HEPACAM: variants seen among roughly 807,000 people sequenced by gnomAD.
HEPACAM encodes hepatic and glial cell adhesion molecule.
HEPACAM carries 18 observed loss-of-function variants against 38.3 expected under a neutral mutation model. That is an observed-to-expected ratio of 0.47 (90% CI 0.33 to 0.70). The LOEUF (loss-of-function observed/expected upper bound fraction) is 0.70. Among genes scored for constraint, HEPACAM ranks in the 30% least tolerant of loss-of-function variants. HEPACAM has a pLI of 0.03. For missense variants in HEPACAM, 466 were observed against 563.0 expected, an observed-to-expected ratio of 0.83 and a Z score of 1.74; for synonymous variants, 216 against 243.1, an observed-to-expected ratio of 0.89 and a Z score of 1.04.
intron 1 of HEPACAM, among the ~76,000 whole-genome samples, chr11:124,929,166 G>T (rs1470392716): frequency 5.3e-5 from 8 of 152,082 alleles, no homozygotes; most frequent in Admixed American, 5.2e-4. Flanking sequence ...TAGCCTTTTT[G>T]CTATGTATTT....
intron 1 of HEPACAM, among the ~76,000 whole-genome samples, chr11:124,926,448 G>T (rs1392482391): frequency 6.6e-6 from 1 of 152,038 alleles, no homozygotes; most frequent in Non-Finnish European, 1.5e-5. Flanking sequence ...TGTAATTCTG[G>T]GATTTTACCA....
intron 1 of HEPACAM, among the ~76,000 whole-genome samples, chr11:124,927,614 C>T (rs917390657): frequency 6.6e-6 from 1 of 151,174 alleles, no homozygotes; most frequent in African/African-American, 2.4e-5. Flanking sequence ...AGCAATCCAC[C>T]CGTGTTGGCC....
At chr11:124,931,271 G>T (rs1183855813) in intron 1 of HEPACAM, among the ~76,000 whole-genome samples, 1 of 152,062 alleles carries the variant, frequency 6.6e-6, no homozygotes, top group Non-Finnish European at 1.5e-5. Flanking sequence ...GCAGTGGTGT[G>T]ATCATACCTC....
intron 1 of HEPACAM, among the ~76,000 whole-genome samples, chr11:124,926,604 T>A (rs990827564): frequency 6.6e-6 from 1 of 152,142 alleles, no homozygotes; most frequent in East Asian, 1.9e-4. Context: ...AGGACGCCGG[T>A]TGGGAGCAGG....
intron 1 of HEPACAM, among the ~76,000 whole-genome samples, chr11:124,932,016 C>A (rs1947286533): frequency 6.6e-6 from 1 of 152,132 alleles, no homozygotes; most frequent in Non-Finnish European, 1.5e-5. Flanking sequence ...GAAAGACATG[C>A]AAAATTAATT....
At chr11:124,922,264 C>T (rs2135397275) in intron 6 of HEPACAM, 124 bp downstream of exon 6, 2 of 1,072,812 alleles carry the variant, frequency 1.9e-6, no homozygotes, top group Non-Finnish European at 2.9e-6. Flanking sequence ...AAACCAGTCC[C>T]TGGTGCCAAA....
chr11:124,926,799 C>T (rs1033980701), intron 1 of HEPACAM, among the ~76,000 whole-genome samples: 27 of 152,090 alleles, frequency 1.8e-4, no homozygotes, highest in Non-Finnish European at 2.5e-4. Flanking sequence ...TTTCTCTCCT[C>T]ATGCTTGGAG....
Position 124,935,999 on chromosome 11 carries a change from C to G in HEPACAM, c.8G>C (p.Arg3Thr), listed in dbSNP as rs35446349. Residue 3 changes from arginine to threonine, a missense_variant, in exon 1 of 7, where the codon AGA (arginine) becomes ACA (threonine). Transcript: ENST00000298251. MK[R>T]ERGALSRASR... ...GGCTCTGGACAGGGCTCCCCTTTCT[C>G]TCTTCATTTTGGGTGGCGTTCTCCA... 2.1e-3 allele frequency: 3,464 copies of G among 1,613,958 alleles called. 62 individuals are homozygous for G. The African/African-American group carries it at 0.041, about 19-fold the overall frequency.
chr11:124,931,962 G>C (rs568017092), intron 1 of HEPACAM, among the ~76,000 whole-genome samples: 1 of 152,146 alleles, frequency 6.6e-6, no homozygotes. Flanking sequence ...CTACAAACTT[G>C]GTGTTCAGAC....
At chr11:124,923,639 G>T in intron 3 of HEPACAM, 90 bp downstream of exon 3, 1 of 1,512,004 alleles carries the variant, frequency 6.6e-7, no homozygotes, top group East Asian at 2.3e-5. Context: ...CCTCCCCCCA[G>T]TGACATTTCT....
At chr11:124,929,730 C>A (rs1947260681) in intron 1 of HEPACAM, among the ~76,000 whole-genome samples, 3 of 151,906 alleles carry the variant, frequency 2.0e-5, no homozygotes. Context: ...GTGGCCACTC[C>A]TCAAGTAGGA....
At chr11:124,923,239 A>C in intron 4 of HEPACAM, 101 bp downstream of exon 4, 1 of 845,718 alleles carries the variant, frequency 1.2e-6, no homozygotes, top group South Asian at 1.3e-5. Context: ...AAGAGATGCA[A>C]AACCCTGGGA....
rs372070386 is a variant in HEPACAM at position 124,921,223 on chromosome 11, C to G, written c.1166G>C (p.Arg389Pro). ...AGTCCGCAGTGTGCGCGAGGCGCTG[C>G]GCGAGCGGCCGGGCGAGCTCGGGGC... ...PRAPSSPGRS[R>P]SASRTLRTAG... The change falls in exon 7 of 7, where the codon CGC becomes CCC. Residue 389 changes from arginine (R) to proline (P), a missense_variant. Coordinates refer to ENST00000298251, the MANE Select transcript of HEPACAM (RefSeq NM_152722.5). The surrounding 1 kb of genome is among the most constrained non-coding windows in gnomAD (Gnocchi z 4.6). The G allele has an allele frequency of 6.8e-7, 1 of 1,474,596 alleles. No homozygotes were observed. Among genetic ancestry groups the G allele is most frequent in the Non-Finnish European group, 8.9e-7 (1 of 1,119,222 alleles). The allele number at this position is 1,474,596 out of a possible 1,614,324, so 91.3% of individuals were successfully genotyped here.
At chr11:124,922,122 A>G (rs981062938) in intron 6 of HEPACAM, among the ~76,000 whole-genome samples, 1 of 152,180 alleles carries the variant, frequency 6.6e-6, no homozygotes, top group African/African-American at 2.4e-5. Context: ...CACACACCCT[A>G]TTGTGAATTG....
intron 1 of HEPACAM, among the ~76,000 whole-genome samples, chr11:124,934,645 A>G (rs930355481): frequency 6.6e-6 from 1 of 151,886 alleles, no homozygotes; most frequent in Non-Finnish European, 1.5e-5. Flanking sequence ...GGCCCTGCTG[A>G]CACCTCGATC....
chr11:124,922,515 G>A (rs1042099384), intron 5 of HEPACAM, 57 bp from the exon 6 acceptor site: 27 of 1,596,944 alleles, frequency 1.7e-5, no homozygotes, highest in East Asian at 8.9e-5. Flanking sequence ...CCCACCAGCC[G>A]GCACCTACTC....
At chr11:124,933,137 A>G (rs1375581047) in intron 1 of HEPACAM, among the ~76,000 whole-genome samples, 1 of 152,130 alleles carries the variant, frequency 6.6e-6, no homozygotes, top group Non-Finnish European at 1.5e-5. Context: ...CTTATCTATC[A>G]TAGGTCATTA....
chr11:124,927,893 AAAAT>A (rs749051432), intron 1 of HEPACAM, among the ~76,000 whole-genome samples: 37 of 152,300 alleles, frequency 2.4e-4, no homozygotes, highest in African/African-American at 8.7e-4. Context: ...TCTCTCTCAA[AAAAT>A]AAATAAATAA....
intron 3 of HEPACAM, 147 bp from the exon 4 acceptor site, chr11:124,923,580 C>T: frequency 8.8e-7 from 1 of 1,141,418 alleles, no homozygotes; most frequent in South Asian, 1.3e-5. Flanking sequence ...ACAGAACCCA[C>T]TGGCTACCTG....
Sources: allele counts gnomAD v4.1 joint callset (sites outside exome capture counted in the v4.1 genomes callset), GRCh38; gene constraint gnomAD v4.1.1; non-coding constraint Gnocchi (gnomAD v3.1); transcripts MANE v1.5; gene names NCBI Gene and HGNC (gene_info 2026-07-23, HGNC 2026-07-21).